The following DOCK7 variants were observed in gnomAD, a reference collection of about 807,000 sequenced individuals.
The protein encoded by DOCK7 is dedicator of cytokinesis 7.
Under a neutral mutation model 271.0 loss-of-function variants are expected in DOCK7, and 138 were observed. The observed-to-expected ratio is 0.51, with a 90% CI of 0.44 to 0.59. The LOEUF (loss-of-function observed/expected upper bound fraction) is 0.59, where lower values mean the gene tolerates loss of function less well. Ranked by LOEUF, DOCK7 falls within the 20% of genes least tolerant of loss-of-function variation. The pLI, the probability that DOCK7 is intolerant of heterozygous loss-of-function variation, is 0.00. For missense variants in DOCK7, 2,066 were observed against 2,592.4 expected, an observed-to-expected ratio of 0.80 and a Z score of 4.41; for synonymous variants, 823 against 876.1, an observed-to-expected ratio of 0.94 and a Z score of 1.07.
At chr1:62,598,554 A>C (rs574850023) in intron 14 of DOCK7, 4 of 626,756 alleles carry the variant, frequency 6.4e-6, no homozygotes, top group East Asian at 2.8e-5. Context: ...ATTTGAAAGA[A>C]GCATACAAGG....
At chr1:62,480,300 T>G (rs1050826594) in intron 43 of DOCK7, among the ~76,000 whole-genome samples, 1 of 152,222 alleles carries the variant, frequency 6.6e-6, no homozygotes, top group African/African-American at 2.4e-5. Context: ...AGCTTAAAAC[T>G]AACCTACCTC....
chr1:62,493,665 C>G (rs1239368788), intron 40 of DOCK7, among the ~76,000 whole-genome samples: 1 of 152,108 alleles, frequency 6.6e-6, no homozygotes, highest in African/African-American at 2.4e-5. Flanking sequence ...ACTTTGTTTT[C>G]CGAGAAACGA....
chr1:62,621,383 G>A (rs970281048), intron 12 of DOCK7, among the ~76,000 whole-genome samples: 1 of 152,068 alleles, frequency 6.6e-6, no homozygotes, highest in East Asian at 1.9e-4. Context: ...AATAGCTAGA[G>A]TTTTTCTTTT....
At chr1:62,611,178 T>C (rs1011700260) in intron 14 of DOCK7, among the ~76,000 whole-genome samples, 6 of 152,212 alleles carry the variant, frequency 3.9e-5, no homozygotes, top group African/African-American at 1.4e-4. Flanking sequence ...ATCATGTTAT[T>C]TCATTCATCA....
intron 37 of DOCK7, among the ~76,000 whole-genome samples, chr1:62,498,409 C>A (rs1047329968): frequency 5.3e-5 from 8 of 152,128 alleles, no homozygotes; most frequent in African/African-American, 1.9e-4. Flanking sequence ...GAAAACCCAT[C>A]CCTGAATCAT....
Position 62,604,233 on chromosome 1 carries a change from C to A in DOCK7, c.1682+14473G>T, listed in dbSNP as rs780832785. ...CACTTCAACTGTCCAGAGGGTTATT[C>A]AGGTATCTTTTTCTGATACCAATAC... On this transcript the variant is annotated intron_variant, in intron 14 of 49. Transcript: ENST00000635253. The A allele has an allele frequency of 8.7e-6, 14 of 1,613,040 alleles. No individual in the cohort carries two copies. In the South Asian group the frequency reaches 1.4e-4, roughly 16 times the overall value.
intron 33 of DOCK7, 145 bp from the exon 34 acceptor site, chr1:62,510,818 G>A: frequency 1.9e-6 from 1 of 516,874 alleles, no homozygotes; most frequent in Non-Finnish European, 3.3e-6. Context: ...CCTGACAATG[G>A]TGCTTTTTAT....
chr1:62,667,079 C>T (rs999172820), intron 1 of DOCK7, among the ~76,000 whole-genome samples: 4 of 152,220 alleles, frequency 2.6e-5, no homozygotes, highest in African/African-American at 4.8e-5. Flanking sequence ...TTCTAACCCA[C>T]TCCTACTTTC....
intron 14 of DOCK7, chr1:62,597,430 G>A: frequency 1.2e-6 from 1 of 860,956 alleles, no homozygotes; most frequent in East Asian, 2.7e-5. Context: ...AGTTAACACG[G>A]CTTAATGATT....
chr1:62,618,782 C>T lies in DOCK7; in HGVS notation c.1606G>A (p.Asp536Asn). ...PELLQVKLYP[D>N]SRVRPTREIL... ...TCTCTGGTAGGTCTAACTCTACTGT[C>T]AGGGTAAAGCTTCACTTGAAGCAGC... is the stretch of plus-strand genomic sequence containing the variant. The change falls in exon 14 of 50, where the codon GAC (aspartate) becomes AAC (asparagine). Residue 536 changes from aspartate to asparagine, a missense_variant. Asp to Asn is a conservative substitution (Grantham distance 23). This residue lies in a region of DOCK7 where 1,414 missense variants were observed against 1,670.4 expected (regional missense o/e 0.85). Coordinates refer to ENST00000635253, the MANE Select transcript of DOCK7 (RefSeq NM_001367561.1). 2.5e-6 allele frequency: 4 copies of T among 1,613,682 alleles called. No homozygotes were observed. The highest frequency in any genetic ancestry group is 3.4e-6 in the Non-Finnish European group (4 of 1,179,648).
chr1:62,521,258 A>G (rs1644841483), intron 31 of DOCK7, among the ~76,000 whole-genome samples: 1 of 152,240 alleles, frequency 6.6e-6, no homozygotes, highest in African/African-American at 2.4e-5. Context: ...TAATTTAAAA[A>G]AAGGGAAAAA....
chr1:62,552,910 G>A lies in DOCK7; in HGVS notation c.2597-9C>T, dbSNP rs1645957447. ...TCCCAAACCCCCAGGACCTAGAGTTGTATATGAAATAGCACATAATTAAAG... is the reference window on the plus strand; with the variant it reads ...TCCCAAACCCCCAGGACCTAGAGTTATATATGAAATAGCACATAATTAAAG... On this transcript the variant is annotated splice_polypyrimidine_tract_variant and intron_variant, in intron 21 of 49. Coordinates refer to ENST00000635253, the MANE Select transcript of DOCK7 (RefSeq NM_001367561.1). 1.3e-6 allele frequency: 2 copies of A among 1,564,124 alleles called. No homozygotes were observed. Among genetic ancestry groups the A allele is most frequent in the South Asian group, 1.2e-5 (1 of 81,438 alleles).
intron 14 of DOCK7, among the ~76,000 whole-genome samples, chr1:62,598,443 T>C (rs961620199): frequency 1.3e-5 from 2 of 152,064 alleles, no homozygotes; most frequent in Non-Finnish European, 2.9e-5. Flanking sequence ...GATTTATTCA[T>C]ATGAAAATAT....
At chr1:62,671,865 A>G (rs1253203881) in intron 1 of DOCK7, among the ~76,000 whole-genome samples, 1 of 152,088 alleles carries the variant, frequency 6.6e-6, no homozygotes, top group African/African-American at 2.4e-5. Flanking sequence ...ATGTGTCTTT[A>G]GCATATCTGC....
At chr1:62,673,973 G>C (rs2149752152) in intron 1 of DOCK7, among the ~76,000 whole-genome samples, 2 of 150,650 alleles carry the variant, frequency 1.3e-5, no homozygotes, top group East Asian at 3.9e-4. Flanking sequence ...GGTAGGGAGG[G>C]ATGGATTAAA....
chr1:62,584,128 T>A (rs1647237408), intron 15 of DOCK7: 22 of 976,136 alleles, frequency 2.3e-5, no homozygotes, highest in Non-Finnish European at 2.6e-5. Flanking sequence ...AGTTTATTAT[T>A]TATATAAAGA....
intron 2 of DOCK7, among the ~76,000 whole-genome samples, chr1:62,655,035 T>A (rs1025922984): frequency 6.6e-6 from 1 of 152,186 alleles, no homozygotes; most frequent in African/African-American, 2.4e-5. Context: ...TCTAGCACTG[T>A]GAGAGAATAA....
intron 1 of DOCK7, among the ~76,000 whole-genome samples, chr1:62,681,228 C>T (rs1460386898): frequency 6.6e-6 from 1 of 152,004 alleles, no homozygotes; most frequent in Non-Finnish European, 1.5e-5. Context: ...AGTTCATGTC[C>T]TTTGTAGGGA....
chr1:62,500,700 A>T (rs932705856), intron 37 of DOCK7, among the ~76,000 whole-genome samples: 6 of 152,230 alleles, frequency 3.9e-5, no homozygotes, highest in Non-Finnish European at 7.3e-5. Context: ...TATATCTACA[A>T]CAATATTTAA....
Sources: gnomAD v4.1 joint callset for allele counts (sites outside exome capture counted in the v4.1 genomes callset) on GRCh38, gnomAD v4.1.1 for gene constraint, gnomAD v4.1.1 regional missense constraint, MANE v1.5 for transcripts, NCBI Gene and HGNC (gene_info 2026-07-23, HGNC 2026-07-21) for gene names.